Variants in ATRN observed in about 807,000 individuals in gnomAD.
ATRN encodes attractin.
Under a neutral mutation model 178.7 loss-of-function variants are expected in ATRN, and 54 were observed. The observed-to-expected ratio is 0.30, with a 90% CI of 0.24 to 0.38. ATRN has a LOEUF of 0.38. Ranked by LOEUF, ATRN falls within the 10% of genes least tolerant of loss-of-function variation. The pLI, the probability that ATRN is intolerant of heterozygous loss-of-function variation, is 1.00. For synonymous variants in ATRN, 636 were observed against 663.0 expected (o/e 0.96, Z 0.63); for missense variants, 1,443 against 1,815.1 (o/e 0.79, Z 3.73).
intron 8 of ATRN, among the ~76,000 whole-genome samples, chr20:3,561,317 C>T (rs1036042841): frequency 3.2e-4 from 48 of 151,746 alleles, no homozygotes; most frequent in Admixed American, 9.8e-4. Context: ...AGTGAGACTC[C>T]GTCTCAAAAC....
At chr20:3,539,439 A>G (rs2085587152) in intron 2 of ATRN, among the ~76,000 whole-genome samples, 1 of 152,234 alleles carries the variant, frequency 6.6e-6, no homozygotes. Context: ...CAAAAGTTCC[A>G]GATGAGAGGG....
Position 3,471,267 on chromosome 20 carries a change from T to C in ATRN, c.160T>C (p.Ser54Pro). 6.9e-7 allele frequency: 1 copy of C among 1,455,174 alleles called. No individual in the cohort carries two copies. Among genetic ancestry groups the C allele is most frequent in the Non-Finnish European group, 9.0e-7 (1 of 1,113,206 alleles). The allele number at this position is 1,455,174 out of a possible 1,614,324, so 90.1% of individuals were successfully genotyped here. A position where few individuals can be genotyped will look rare whatever the true frequency, so the allele number is the denominator to read the frequency against. The change falls in exon 1 of 29, where the codon TCT becomes CCT. Residue 54 changes from serine (S) to proline (P), a missense_variant. Transcript: ENST00000262919. ...GAGLRLPRLL[S>P]PPLRPRLLLL... ...CGGGCTGCGCCTCCCGCGGCTGCTGTCTCCACCGCTGCGGCCACGGCTGCT... is the reference window on the plus strand; with the variant it reads ...CGGGCTGCGCCTCCCGCGGCTGCTGCCTCCACCGCTGCGGCCACGGCTGCT...
rs2085942614 is a variant in ATRN, at chr20:3,560,872, G to A, written c.1414G>A (p.Gly472Arg). The A allele has an allele frequency of 1.2e-6, 2 of 1,614,004 alleles. No individual in the cohort carries two copies. Among genetic ancestry groups the A allele is most frequent in the Non-Finnish European group, 1.7e-6 (2 of 1,179,980 alleles). The change falls in exon 8 of 29, where the codon GGA (glycine) becomes AGA (arginine). Residue 472 changes from glycine (G) to arginine (R), a missense_variant. Around this residue, in one of 4 missense-constraint regions of ATRN, gnomAD observed 862 missense variants for 972.1 expected, o/e 0.89. Transcript: ENST00000262919. ...CATCTTTGGTCACTGCCCTCTCTAT[G>A]GATATATAAGCAATGTGCAGGAATA... is the stretch of plus-strand genomic sequence containing the variant. Reference protein sequence around the residue: ...LVIFGHCPLYGYISNVQEYDL... With the variant: ...LVIFGHCPLYRYISNVQEYDL...
chr20:3,533,293 A>G (rs2085479923), intron 1 of ATRN, among the ~76,000 whole-genome samples: 1 of 152,238 alleles, frequency 6.6e-6, no homozygotes, highest in Non-Finnish European at 1.5e-5. Context: ...ACATCTAAGT[A>G]TTAGATTACA....
At chr20:3,604,065 C>T in intron 23 of ATRN, 40 bp from the exon 24 acceptor site, 1 of 1,533,226 alleles carries the variant, frequency 6.5e-7, no homozygotes, top group Non-Finnish European at 8.7e-7. Context: ...CCTAGCCCCC[C>T]AAAAAATGTC....
intron 3 of ATRN, among the ~76,000 whole-genome samples, chr20:3,540,799 A>G (rs1439005283): frequency 2.0e-5 from 3 of 152,132 alleles, no homozygotes; most frequent in South Asian, 2.1e-4. Flanking sequence ...TATGTGCATC[A>G]TGAGTGAGGG....
At chr20:3,553,348 T>C (rs1167206202) in intron 6 of ATRN, among the ~76,000 whole-genome samples, 2 of 152,210 alleles carry the variant, frequency 1.3e-5, no homozygotes, top group Admixed American at 6.5e-5. Context: ...CATAATTTCA[T>C]ATTAAGCCCT....
chr20:3,644,473 G>A (rs1568780016), intron 28 of ATRN, among the ~76,000 whole-genome samples: 3 of 152,308 alleles, frequency 2.0e-5, no homozygotes, highest in African/African-American at 4.8e-5. Context: ...TTCCTGGGGG[G>A]ACGTCCCGGG....
In ATRN at chr20:3,638,823, A is replaced by G. The variant is rs754284940; in HGVS notation, c.3943-5A>G. Reference sequence around the variant, plus strand: ...CATTAATGGCTTTGCCATATTATTTATCAGCAACTTCTTCGAGAGATGCAA... The same window carrying G: ...CATTAATGGCTTTGCCATATTATTTGTCAGCAACTTCTTCGAGAGATGCAA... On this transcript the variant is annotated splice_region_variant and splice_polypyrimidine_tract_variant and intron_variant, in intron 26 of 28. Coordinates refer to ENST00000262919, the MANE Select transcript of ATRN (RefSeq NM_139321.3). The surrounding 1 kb of genome is among the most constrained non-coding windows in gnomAD (Gnocchi z 4.5). The G allele has an allele frequency of 1.9e-6, 3 of 1,613,832 alleles. No individual in the cohort carries two copies. The African/African-American group carries it at 4.0e-5, about 22-fold the overall frequency.
In ATRN at chr20:3,650,144, G is replaced by C. The variant is rs2087135972; in HGVS notation, c.*3297G>C. 1 of 152,156 alleles carries C rather than the reference G, an allele frequency of 6.6e-6. No homozygotes were observed. Among genetic ancestry groups the C allele is most frequent in the African/African-American group, 2.4e-5 (1 of 41,054 alleles). The allele number at this position is 152,156 out of a possible 1,614,324, so 9.4% of individuals were successfully genotyped here. On this transcript the variant is annotated 3_prime_UTR_variant, in exon 29 of 29. Coordinates refer to ENST00000262919, the MANE Select transcript of ATRN (RefSeq NM_139321.3). ...ACTGGAGACACCTGGGAAATAAAAA[G>C]AGCAGGGCACTGCTGGTGGGAAGAG...
chr20:3,604,253 CA>C lies in ATRN; in HGVS notation c.3796del (p.Ile1266PhefsTer19). 6.3e-7 allele frequency: 1 copy of C among 1,598,512 alleles called. No homozygotes were observed. Among genetic ancestry groups the C allele is most frequent in the Non-Finnish European group, 8.5e-7 (1 of 1,175,640 alleles). Reference sequence around the variant, plus strand: ...ATGTCAGTAATTTCACCTGGCCCATCAAAATTCAGGTAAGAAGAGGCTTTTG... The same window carrying C: ...ATGTCAGTAATTTCACCTGGCCCATCAAATTCAGGTAAGAAGAGGCTTTTG... The part of the protein sequence containing the change: ...VYVSNFTWPI[K>X]IQIAFSQHSN... On this transcript the variant is annotated frameshift_variant, in exon 24 of 29. Coordinates refer to ENST00000262919, the MANE Select transcript of ATRN (RefSeq NM_139321.3). LOFTEE classifies it high-confidence loss of function.
At chr20:3,590,662 T>G (rs1413580492) in intron 18 of ATRN, among the ~76,000 whole-genome samples, 1 of 152,208 alleles carries the variant, frequency 6.6e-6, no homozygotes, top group Non-Finnish European at 1.5e-5. Context: ...TTAAGATTCA[T>G]CAAAATCATT....
rs964691410 is a variant in ATRN, at chr20:3,632,201, C to T, written c.3864-2110C>T. Among the ~76,000 whole-genome samples the T allele has an allele frequency of 3.3e-5, 5 of 152,220 alleles. No homozygotes were observed. The highest frequency in any genetic ancestry group is 5.9e-5 in the Non-Finnish European group (4 of 68,036). Reference sequence around the variant, plus strand: ...TGTCCAGATTCCAAAGTGCTTTTCACACCTCTGCTTCCACAGCTCTGGTTT... The same window carrying T: ...TGTCCAGATTCCAAAGTGCTTTTCATACCTCTGCTTCCACAGCTCTGGTTT... On this transcript the variant is annotated intron_variant, in intron 25 of 28. Transcript: ENST00000262919. The surrounding 1 kb of genome is among the most constrained non-coding windows in gnomAD (Gnocchi z 4.2).
At chr20:3,582,020 A>G in intron 15 of ATRN, 115 bp from the exon 16 acceptor site, 1 of 935,496 alleles carries the variant, frequency 1.1e-6, no homozygotes, top group Non-Finnish European at 1.6e-6. Flanking sequence ...TGGGAGGATC[A>G]CTTGAGCTCA....
intron 24 of ATRN, among the ~76,000 whole-genome samples, chr20:3,608,494 C>T (rs2086710025): frequency 6.6e-6 from 1 of 152,112 alleles, no homozygotes; most frequent in African/African-American, 2.4e-5. Flanking sequence ...TTCTTGACTC[C>T]ATTATTGAAA....
intron 2 of ATRN, among the ~76,000 whole-genome samples, chr20:3,536,056 T>G (rs2085528086): frequency 6.6e-6 from 1 of 152,154 alleles, no homozygotes; most frequent in African/African-American, 2.4e-5. Context: ...AAATGATCCC[T>G]TCTCTGGACC....
At chr20:3,474,105 G>A (rs566823046) in intron 1 of ATRN, among the ~76,000 whole-genome samples, 7 of 152,290 alleles carry the variant, frequency 4.6e-5, no homozygotes, top group Non-Finnish European at 8.8e-5. Context: ...ATCGACCTAT[G>A]AGGGAGATTG....
At chr20:3,492,854 G>GCGC (rs1555807888) in intron 1 of ATRN, among the ~76,000 whole-genome samples, 132 of 132,448 alleles carry the variant, frequency 1.0e-3, no homozygotes, top group Non-Finnish European at 1.5e-3. Context: ...GAGAGAGAGA[G>GCGC]GCGCGCGCGC....
chr20:3,587,545 A>C (rs949813008), intron 18 of ATRN, among the ~76,000 whole-genome samples: 1 of 151,770 alleles, frequency 6.6e-6, no homozygotes, highest in African/African-American at 2.4e-5. Flanking sequence ...CTGTGAATCT[A>C]GGAACTTTTT....
Sources: gnomAD v4.1 joint callset for allele counts (sites outside exome capture counted in the v4.1 genomes callset) on GRCh38, gnomAD v4.1.1 for gene constraint, gnomAD v4.1.1 regional missense constraint, Gnocchi (gnomAD v3.1) non-coding constraint, MANE v1.5 for transcripts, NCBI Gene and HGNC (gene_info 2026-07-23, HGNC 2026-07-21) for gene names.